XPO1: variants seen among roughly 807,000 people sequenced by gnomAD.
XPO1 encodes the protein exportin-1.
XPO1 carries 5 observed loss-of-function variants against 133.3 expected under a neutral mutation model. The observed-to-expected ratio is 0.04, with a 90% CI of 0.02 to 0.08. The LOEUF is 0.08. XPO1 is among the 10% of genes least tolerant of loss of function. The pLI is 1.00. For synonymous variants in XPO1, 419 were observed against 408.2 expected (o/e 1.03, Z -0.32); for missense variants, 506 against 1,267.5 (o/e 0.40, Z 9.12).
At chr2:61,483,346 T>C (rs1361600795) in intron 21 of XPO1, 1 of 364,820 alleles carries the variant, frequency 2.7e-6, no homozygotes, top group Non-Finnish European at 4.9e-6. Flanking sequence ...GATCATATAA[T>C]GGACTTTGGG....
Position 61,493,909 on chromosome 2 carries a change from C to A in XPO1, c.1230G>T (p.Leu410Phe). The change falls in exon 12 of 25, where the codon TTG (leucine) becomes TTT (phenylalanine). Residue 410 changes from leucine (L) to phenylalanine (F), a missense_variant. Physicochemically the swap from Leu to Phe is conservative, Grantham distance 22. Coordinates refer to ENST00000401558, the MANE Select transcript of XPO1 (RefSeq NM_003400.4). Reference protein sequence around the residue: ...FDVPPRRQLYLPMLFKVRLLM... With the variant: ...FDVPPRRQLYFPMLFKVRLLM... ...GCTCTGTTACCTTGAATAACATGGG[C>A]AAATATAGCTGTCTCCTGGGAGGAA... The A allele has an allele frequency of 6.2e-7, 1 of 1,614,074 alleles. No individual in the cohort carries two copies. The highest frequency in any genetic ancestry group is 1.1e-5 in the South Asian group (1 of 91,076).
In XPO1 at chr2:61,484,053, G is replaced by C; in HGVS notation, c.2561C>G (p.Ala854Gly). The C allele has an allele frequency of 6.2e-7, 1 of 1,613,906 alleles. No homozygotes were observed. The highest frequency in any genetic ancestry group is 8.5e-7 in the Non-Finnish European group (1 of 1,179,850). The change falls in exon 21 of 25, where the codon GCT (alanine) becomes GGT (glycine). Residue 854 changes from alanine (A) to glycine (G), a missense_variant. Ala to Gly is a moderately conservative substitution (Grantham distance 60, BLOSUM62 0). Around this residue, in one of 6 missense-constraint regions of XPO1, gnomAD observed 203 missense variants for 365.9 expected, o/e 0.55. Coordinates refer to ENST00000401558, the MANE Select transcript of XPO1 (RefSeq NM_003400.4). ...TGCTGGGAAACAATGAGAATTGACA[G>C]CCTGAAGTAGTAAGAAAAAGTTCGT... ...HRTNFFLLLQ[A>G]VNSHCFPAFL...
At chr2:61,485,475 C>CCCT (rs1553402578) in intron 20 of XPO1, 1 of 145,212 alleles carries the variant, frequency 6.9e-6, no homozygotes, top group African/African-American at 2.6e-5. Context: ...CTCAAGTGAC[C>CCCT]CCCCCCCCCA....
intron 20 of XPO1, 83 bp from the exon 21 acceptor site, chr2:61,484,188 G>A (rs962691297): frequency 8.0e-7 from 1 of 1,243,710 alleles, no homozygotes; most frequent in Non-Finnish European, 1.1e-6. Context: ...GCTTAATCCA[G>A]TATAAATATT....
chr2:61,530,728 TA>T lies in XPO1; in HGVS notation c.126+3043del, dbSNP rs201428574. The stretch of plus-strand genomic sequence containing the variant: ...CCCTCCCCCAAGTTACACATTCCTT[TA>T]AAAAAAAAAAAACCTACCTACAGCT... On this transcript the variant is annotated intron_variant, in intron 2 of 24. Transcript: ENST00000401558. 2.9e-3 allele frequency among the ~76,000 whole-genome samples: 412 copies of T among 141,452 alleles called. 1 individual carries two copies. Among genetic ancestry groups the T allele is most frequent in the Non-Finnish European group, 2.4e-3 (156 of 64,416 alleles). The allele number at this position is 141,452 out of a possible 152,430, so 92.8% of individuals were successfully genotyped here. A position where few individuals can be genotyped will look rare whatever the true frequency, so the allele number is the denominator to read the frequency against.
chr2:61,489,243 G>C (rs1207115265), intron 17 of XPO1, among the ~76,000 whole-genome samples: 3 of 151,808 alleles, frequency 2.0e-5, no homozygotes, highest in African/African-American at 7.3e-5. Flanking sequence ...GAGAAACCCT[G>C]TCTCTACTAA....
chr2:61,496,525 GA>G (rs1697250020), intron 10 of XPO1, among the ~76,000 whole-genome samples: 1 of 152,086 alleles, frequency 6.6e-6, no homozygotes, highest in Non-Finnish European at 1.5e-5. Context: ...ACAGTATTAT[GA>G]ATAACCTTCT....
At chr2:61,529,231 T>C (rs1699048038) in intron 2 of XPO1, among the ~76,000 whole-genome samples, 1 of 152,188 alleles carries the variant, frequency 6.6e-6, no homozygotes, top group Non-Finnish European at 1.5e-5. Flanking sequence ...ATACTTTACT[T>C]TATCATGGGT....
At chr2:61,489,622 T>A (rs1423517192) in intron 17 of XPO1, among the ~76,000 whole-genome samples, 1 of 150,472 alleles carries the variant, frequency 6.6e-6, no homozygotes, top group Non-Finnish European at 1.5e-5. Context: ...CGGCGTGATC[T>A]CGGCTCACTG....
rs1696948449 is a variant in XPO1, at chr2:61,490,917, AGCCAAG to A, written c.1888-147_1888-142del. On this transcript the variant is annotated intron_variant, in intron 16 of 24. Coordinates refer to ENST00000401558, the MANE Select transcript of XPO1 (RefSeq NM_003400.4). ...CTCCTGTAATCCCAATACTTTGAGA[AGCCAAG>A]GCAGGCCAATCACTTGTGGTCAGGA... 7.8e-5 allele frequency: 82 copies of A among 1,049,498 alleles called. 1 individual carries two copies. The South Asian group carries it at 1.3e-3, about 17-fold the overall frequency. 65.0% of individuals were successfully genotyped at this position (1,049,498 alleles called of 1,614,324 possible).
chr2:61,515,147 A>G (rs563927059), intron 4 of XPO1, among the ~76,000 whole-genome samples: 1 of 152,002 alleles, frequency 6.6e-6, no homozygotes, highest in Non-Finnish European at 1.5e-5. Flanking sequence ...ACATGTGAAG[A>G]GGGGCAGTGA....
chr2:61,531,172 C>G (rs370999812), intron 2 of XPO1, among the ~76,000 whole-genome samples: 1 of 152,160 alleles, frequency 6.6e-6, no homozygotes, highest in Non-Finnish European at 1.5e-5. Context: ...ACTGAACTAA[C>G]GACATAGGAC....
At chr2:61,491,928 A>T in intron 16 of XPO1, 107 bp downstream of exon 16, 1 of 1,340,810 alleles carries the variant, frequency 7.5e-7, no homozygotes, top group Non-Finnish European at 1.0e-6. Context: ...ATTTAATCAG[A>T]AACACTTCTA....
At chr2:61,507,366 GAGCTTGAGACC>G (rs1256869788) in intron 4 of XPO1, among the ~76,000 whole-genome samples, 2 of 151,902 alleles carry the variant, frequency 1.3e-5, no homozygotes, top group Non-Finnish European at 2.9e-5. Context: ...TTGAGGAAAC[GAGCTTGAGACC>G]AGCTTGGGCA....
chr2:61,502,544 G>A (rs541148802), intron 4 of XPO1: 4 of 376,522 alleles, frequency 1.1e-5, no homozygotes, highest in South Asian at 9.6e-5. Flanking sequence ...CCTGAGGCCA[G>A]GAATTCGAGA....
chr2:61,521,618 A>G (rs1297452175), intron 4 of XPO1, among the ~76,000 whole-genome samples: 2 of 152,126 alleles, frequency 1.3e-5, no homozygotes, highest in African/African-American at 4.8e-5. Flanking sequence ...CTACACCTTC[A>G]TTTTCTGATC....
chr2:61,503,656 C>T (rs966387465), intron 4 of XPO1, among the ~76,000 whole-genome samples: 6 of 151,860 alleles, frequency 4.0e-5, no homozygotes, highest in African/African-American at 1.5e-4. Flanking sequence ...GATCTCCTGA[C>T]CTCGTGATCT....
chr2:61,490,866 G>T (rs1696945637), intron 16 of XPO1, 90 bp from the exon 17 acceptor site: 1 of 1,509,148 alleles, frequency 6.6e-7, no homozygotes, highest in South Asian at 1.2e-5. Context: ...TCTTGAAACT[G>T]ATTTTGGCCC....
chr2:61,528,277 G>A (rs996792324), intron 2 of XPO1, among the ~76,000 whole-genome samples: 3 of 151,948 alleles, frequency 2.0e-5, no homozygotes, highest in African/African-American at 7.3e-5. Context: ...CATTTTCACG[G>A]CATGTGTGTA....
Sources: allele counts gnomAD v4.1 joint callset (sites outside exome capture counted in the v4.1 genomes callset), GRCh38; gene constraint gnomAD v4.1.1; regional missense constraint gnomAD v4.1.1; transcripts MANE v1.5; gene names NCBI Gene and HGNC (gene_info 2026-07-23, HGNC 2026-07-21).